Variants in PTPN14 observed in about 807,000 individuals in gnomAD.
PTPN14 encodes the protein protein tyrosine phosphatase non-receptor type 14, also known as tyrosine-protein phosphatase non-receptor type 14.
In PTPN14, 53 loss-of-function variants were observed where a neutral mutation model predicts 126.8. The ratio of observed to expected loss-of-function variants is 0.42; its 90% CI spans 0.34 to 0.53. The LOEUF is 0.53. Ranked by LOEUF, PTPN14 falls within the 20% of genes least tolerant of loss-of-function variation. The pLI, the probability that PTPN14 is intolerant of heterozygous loss-of-function variation, is 0.08. For synonymous variants in PTPN14, 630 were observed against 599.3 expected, an observed-to-expected ratio of 1.05 and a Z score of -0.75; for missense variants, 1,257 against 1,552.9, an observed-to-expected ratio of 0.81 and a Z score of 3.20.
At chr1:214,534,579 G>C (rs1655651622) in intron 1 of PTPN14, among the ~76,000 whole-genome samples, 3 of 152,168 alleles carry the variant, frequency 2.0e-5, no homozygotes, top group South Asian at 4.2e-4. Flanking sequence ...CGGGCATGGT[G>C]GTGGGTGCCT....
chr1:214,461,175 T>C (rs1255641827), intron 2 of PTPN14, among the ~76,000 whole-genome samples: 1 of 152,104 alleles, frequency 6.6e-6, no homozygotes, highest in South Asian at 2.1e-4. Flanking sequence ...TAAAATTTAG[T>C]GGCAAAACAA....
At chr1:214,366,675 T>C (rs775103345) in intron 17 of PTPN14, among the ~76,000 whole-genome samples, 1 of 152,202 alleles carries the variant, frequency 6.6e-6, no homozygotes, top group African/African-American at 2.4e-5. Context: ...GTATTGACTT[T>C]CCTAAAAGCA....
intron 8 of PTPN14, among the ~76,000 whole-genome samples, chr1:214,396,840 T>C (rs1007378324): frequency 1.3e-5 from 2 of 152,238 alleles, no homozygotes; most frequent in African/African-American, 4.8e-5. Flanking sequence ...TAGGACTCAA[T>C]GCCTGGATAG....
At chr1:214,517,950 A>C (rs1194147609) in intron 1 of PTPN14, among the ~76,000 whole-genome samples, 1 of 152,192 alleles carries the variant, frequency 6.6e-6, no homozygotes, top group Non-Finnish European at 1.5e-5. Flanking sequence ...ATCTCTAAAA[A>C]TAAAATAAAA....
intron 2 of PTPN14, among the ~76,000 whole-genome samples, chr1:214,459,523 G>A (rs1303289587): frequency 3.5e-5 from 5 of 140,972 alleles, no homozygotes; most frequent in Non-Finnish European, 7.5e-5. Context: ...AAGCTGGAGT[G>A]CAGTGGCGCG....
At chr1:214,432,192 A>AC (rs1659811461) in intron 3 of PTPN14, among the ~76,000 whole-genome samples, 4 of 119,654 alleles carry the variant, frequency 3.3e-5, no homozygotes, top group African/African-American at 1.1e-4. Context: ...CCCTGTCTCA[A>AC]GAAAAAAAAA....
rs751476579 is a variant in PTPN14 at position 214,377,960 on chromosome 1, C to T, written c.2687G>A (p.Arg896Lys). ...VDATRVPMDERFRTLKKKLEE... is the reference protein window; with the variant it reads ...VDATRVPMDEKFRTLKKKLEE... ...CACATTGACAAGCCTGCCACTTACCCTCTCGTCCATGGGAACCCGGGTGGC... is the reference window on the plus strand; with the variant it reads ...CACATTGACAAGCCTGCCACTTACCTTCTCGTCCATGGGAACCCGGGTGGC... Residue 896 changes from arginine to lysine, a missense_variant and splice_region_variant, in exon 14 of 19, where the codon AGG (arginine) becomes AAG (lysine). Physicochemically the swap from Arg to Lys is conservative, Grantham distance 26. This residue lies in a region of PTPN14 where 1,021 missense variants were observed against 1,183.3 expected (regional missense o/e 0.86). Transcript: ENST00000366956. The T allele has an allele frequency of 4.3e-6, 7 of 1,612,124 alleles. No homozygotes were observed. The highest frequency in any genetic ancestry group is 1.3e-5 in the African/African-American group (1 of 74,730).
intron 1 of PTPN14, among the ~76,000 whole-genome samples, chr1:214,466,346 T>C (rs79226468): frequency 0.016 from 2,391 of 152,288 alleles, 62 homozygotes; most frequent in African/African-American, 0.053. Context: ...GTCCTTTTTT[T>C]AACAAATATT....
At chr1:214,536,024 G>A (rs578238897) in intron 1 of PTPN14, among the ~76,000 whole-genome samples, 1 of 152,188 alleles carries the variant, frequency 6.6e-6, no homozygotes, top group East Asian at 1.9e-4. Flanking sequence ...AAGTATTAAT[G>A]TGAATCATTT....
At chr1:214,382,453 C>G (rs1658496411) in intron 13 of PTPN14, among the ~76,000 whole-genome samples, 1 of 152,182 alleles carries the variant, frequency 6.6e-6, no homozygotes, top group Admixed American at 6.5e-5. Context: ...TCCTGATTAG[C>G]TAGGACTACA....
chr1:214,529,885 T>A (rs6540848), intron 1 of PTPN14: 16,956 of 151,620 alleles, frequency 0.11, 1,128 homozygotes, highest in East Asian at 0.26. Flanking sequence ...CTCAAAAAAA[T>A]ATATATATAT....
rs150886185 is a variant in PTPN14 at position 214,435,882 on chromosome 1, C to G, written c.344+15923G>C. Among the ~76,000 whole-genome samples, 7 of 152,292 alleles carry G rather than the reference C, an allele frequency of 4.6e-5. No individual in the cohort carries two copies. The South Asian group carries it at 6.2e-4, about 14-fold the overall frequency. ...CAGAATTTCCATTCGACCCAGCAAT[C>G]TCATTATGGGGTATATACCCAAAGC... On this transcript the variant is annotated intron_variant, in intron 3 of 18. Coordinates refer to ENST00000366956, the MANE Select transcript of PTPN14 (RefSeq NM_005401.5).
chr1:214,468,347 A>C (rs1384282275), intron 1 of PTPN14, among the ~76,000 whole-genome samples: 2 of 152,152 alleles, frequency 1.3e-5, no homozygotes, highest in Non-Finnish European at 2.9e-5. Context: ...CCTGAGGTCA[A>C]GAGTTTGAGA....
At chr1:214,360,388 A>G (rs1168031976) in intron 18 of PTPN14, among the ~76,000 whole-genome samples, 2 of 152,170 alleles carry the variant, frequency 1.3e-5, no homozygotes, top group East Asian at 1.9e-4. Context: ...CCTAATAAGA[A>G]AAGAAAAAAA....
chr1:214,525,531 A>T (rs1056823433), intron 1 of PTPN14, among the ~76,000 whole-genome samples: 3 of 152,230 alleles, frequency 2.0e-5, no homozygotes, highest in Non-Finnish European at 4.4e-5. Flanking sequence ...TTCCTGGACA[A>T]AAACAAACCT....
chr1:214,366,598 G>A (rs192527820), intron 17 of PTPN14, among the ~76,000 whole-genome samples: 170 of 152,078 alleles, frequency 1.1e-3, no homozygotes, highest in African/African-American at 4.0e-3. Context: ...ATTTAAACAT[G>A]GGCAAAAATC....
chr1:214,360,337 G>A (rs1657925834), intron 18 of PTPN14, among the ~76,000 whole-genome samples: 2 of 152,126 alleles, frequency 1.3e-5, no homozygotes, highest in African/African-American at 4.8e-5. Flanking sequence ...GAGTGCAGTG[G>A]TGCAATCACA....
intron 5 of PTPN14, among the ~76,000 whole-genome samples, chr1:214,404,371 T>C (rs541455291): frequency 6.6e-6 from 1 of 152,300 alleles, no homozygotes; most frequent in East Asian, 1.9e-4. Context: ...TTGAAATGAC[T>C]CAAGTCCGTG....
chr1:214,444,739 A>G (rs964463593), intron 3 of PTPN14, among the ~76,000 whole-genome samples: 8 of 152,172 alleles, frequency 5.3e-5, no homozygotes, highest in Non-Finnish European at 1.0e-4. Context: ...ACACACACAG[A>G]GAGACACACA....
Sources: allele counts gnomAD v4.1 joint callset (sites outside exome capture counted in the v4.1 genomes callset), GRCh38; gene constraint gnomAD v4.1.1; regional missense constraint gnomAD v4.1.1; transcripts MANE v1.5; gene names NCBI Gene and HGNC (gene_info 2026-07-23, HGNC 2026-07-21).